The following KCNIP4 variants were observed in gnomAD, a reference collection of about 807,000 sequenced individuals.
KCNIP4 encodes Kv channel-interacting protein 4.
Under a neutral mutation model 34.0 loss-of-function variants are expected in KCNIP4, and 12 were observed. The observed-to-expected ratio is 0.35, with a 90% CI of 0.23 to 0.57. The LOEUF (loss-of-function observed/expected upper bound fraction) is 0.57. KCNIP4 is among the 20% of genes least tolerant of loss of function. The pLI is 0.83. For synonymous variants in KCNIP4, 124 were observed against 102.2 expected, an observed-to-expected ratio of 1.21 and a Z score of -1.29; for missense variants, 238 against 311.7, an observed-to-expected ratio of 0.76 and a Z score of 1.78.
At chr4:21,766,407 G>A (rs955670450) in intron 1 of KCNIP4, among the ~76,000 whole-genome samples, 18 of 152,034 alleles carry the variant, frequency 1.2e-4, no homozygotes, top group Non-Finnish European at 2.5e-4. Context: ...GTTTGAGCTG[G>A]GACTCACATG....
intron 1 of KCNIP4, among the ~76,000 whole-genome samples, chr4:21,226,247 GA>G (rs1560190771): frequency 3.9e-5 from 3 of 76,572 alleles, no homozygotes; most frequent in South Asian, 4.5e-4. Context: ...GGGAGGGGGG[GA>G]GGGAGGGAGG....
At position 20,729,903 on chromosome 4, in the gene KCNIP4, GCAAATTTATAACTGAAAGCT is replaced by G; in HGVS notation, c.*159_*178del. 3.4e-6 allele frequency: 2 copies of G among 592,652 alleles called. No homozygotes were observed. Among genetic ancestry groups the G allele is most frequent in the South Asian group, 7.7e-5 (2 of 26,038 alleles). 36.7% of individuals were successfully genotyped at this position (592,652 alleles called of 1,614,324 possible). ...AACTCAGTGGCATTATGAAAAGGAT[GCAAATTTATAACTGAAAGCT>G]CAAATCTTTTGGGGATTGCTTTATA... On this transcript the variant is annotated 3_prime_UTR_variant, in exon 9 of 9. Transcript: ENST00000382152.
At chr4:20,732,327 G>A (rs1053044314) in intron 7 of KCNIP4, among the ~76,000 whole-genome samples, 2 of 152,154 alleles carry the variant, frequency 1.3e-5, no homozygotes, top group Non-Finnish European at 2.9e-5. Context: ...CCTTCTAGAT[G>A]TGACAGAGCT....
intron 1 of KCNIP4, among the ~76,000 whole-genome samples, chr4:21,522,131 A>G (rs901351118): frequency 5.3e-5 from 8 of 152,108 alleles, no homozygotes; most frequent in African/African-American, 1.9e-4. Context: ...ATACAAGACT[A>G]TTTTAATATA....
intron 1 of KCNIP4, among the ~76,000 whole-genome samples, chr4:21,686,334 T>C (rs557171915): frequency 3.3e-5 from 5 of 152,290 alleles, no homozygotes; most frequent in Admixed American, 3.3e-4. Context: ...TTTTTTTGTG[T>C]GTGTAAAATC....
At chr4:21,832,404 A>C (rs954638157) in intron 1 of KCNIP4, among the ~76,000 whole-genome samples, 4 of 152,086 alleles carry the variant, frequency 2.6e-5, no homozygotes, top group African/African-American at 9.7e-5. Context: ...GATGGACAGA[A>C]TGGCAATGCC....
At chr4:21,732,443 G>A (rs1302922442) in intron 1 of KCNIP4, among the ~76,000 whole-genome samples, 2 of 152,092 alleles carry the variant, frequency 1.3e-5, no homozygotes, top group East Asian at 1.9e-4. Flanking sequence ...ATCACCTATT[G>A]TGTTCTTTCT....
intron 1 of KCNIP4, among the ~76,000 whole-genome samples, chr4:21,508,966 C>T (rs186019405): frequency 7.9e-5 from 12 of 152,292 alleles, no homozygotes; most frequent in Admixed American, 7.2e-4. Context: ...TGCTCCCTAA[C>T]CCTCACTTTC....
chr4:21,722,012 C>T (rs944259255), intron 1 of KCNIP4, among the ~76,000 whole-genome samples: 6 of 152,078 alleles, frequency 3.9e-5, no homozygotes, highest in Admixed American at 1.3e-4. Flanking sequence ...AAAGAGACAG[C>T]CTTTTATTTC....
At chr4:21,775,688 C>T (rs1249057319) in intron 1 of KCNIP4, among the ~76,000 whole-genome samples, 1 of 152,172 alleles carries the variant, frequency 6.6e-6, no homozygotes, top group East Asian at 1.9e-4. Flanking sequence ...TGCAGAGAAG[C>T]CTCACCCAAT....
At chr4:21,479,327 AAAC>A (rs1731238897) in intron 1 of KCNIP4, among the ~76,000 whole-genome samples, 2 of 152,222 alleles carry the variant, frequency 1.3e-5, no homozygotes, top group Admixed American at 1.3e-4. Flanking sequence ...GGAAAGCTAA[AAAC>A]AATTTATTTA....
chr4:20,732,247 CTT>C (rs1442521832), intron 7 of KCNIP4, among the ~76,000 whole-genome samples, 179 bp from the exon 8 acceptor site: 3 of 152,158 alleles, frequency 2.0e-5, no homozygotes, highest in Admixed American at 1.3e-4. Flanking sequence ...GGGCCAAATG[CTT>C]CTGGCTTTTC....
At chr4:21,921,447 C>T (rs1331528325) in intron 1 of KCNIP4, among the ~76,000 whole-genome samples, 1 of 152,288 alleles carries the variant, frequency 6.6e-6, no homozygotes, top group South Asian at 2.1e-4. Flanking sequence ...CCAATCTCTA[C>T]TCTAAAATAT....
chr4:21,901,201 G>C (rs2108968114), intron 1 of KCNIP4, among the ~76,000 whole-genome samples: 1 of 152,324 alleles, frequency 6.6e-6, no homozygotes, highest in East Asian at 1.9e-4. Flanking sequence ...CCTGTGAAGT[G>C]CAAAGTGAGG....
At chr4:21,633,929 A>C (rs375408485) in intron 1 of KCNIP4, among the ~76,000 whole-genome samples, 8 of 152,086 alleles carry the variant, frequency 5.3e-5, no homozygotes, top group African/African-American at 1.7e-4. Context: ...ATTAGAAAAT[A>C]CTTACATTCT....
intron 1 of KCNIP4, among the ~76,000 whole-genome samples, chr4:20,985,785 G>T (rs868860109): frequency 1.3e-5 from 2 of 152,306 alleles, no homozygotes; most frequent in African/African-American, 4.8e-5. Context: ...TTGGGAAAGG[G>T]TTTAGTGGTA....
At chr4:21,108,305 TA>T (rs897287740) in intron 1 of KCNIP4, among the ~76,000 whole-genome samples, 4 of 135,554 alleles carry the variant, frequency 3.0e-5, no homozygotes, top group African/African-American at 1.2e-4. Context: ...CGTTTCTTTT[TA>T]TTTTTTCTCT....
At chr4:21,626,973 T>G (rs559242094) in intron 1 of KCNIP4, among the ~76,000 whole-genome samples, 1 of 152,318 alleles carries the variant, frequency 6.6e-6, no homozygotes, top group East Asian at 1.9e-4. Context: ...TGGATTTAGA[T>G]ATATAAAGTC....
At chr4:21,145,987 A>G (rs1035902513) in intron 1 of KCNIP4, among the ~76,000 whole-genome samples, 20 of 152,310 alleles carry the variant, frequency 1.3e-4, no homozygotes, top group Middle Eastern at 3.4e-3. Flanking sequence ...CCGTGTATGA[A>G]TTCATTTTGA....
Sources: allele counts gnomAD v4.1 joint callset (sites outside exome capture counted in the v4.1 genomes callset), GRCh38; gene constraint gnomAD v4.1.1; transcripts MANE v1.5; gene names NCBI Gene and HGNC (gene_info 2026-07-23, HGNC 2026-07-21).